The following DMRT1 variants were observed in gnomAD, a reference collection of about 807,000 sequenced individuals.
DMRT1 encodes doublesex and mab-3 related transcription factor 1, also known as doublesex- and mab-3-related transcription factor 1.
A neutral mutation model predicts 32.3 loss-of-function variants in DMRT1; 7 were observed. The observed-to-expected ratio is 0.22, with a 90% CI of 0.12 to 0.41. The LOEUF is 0.41. Among genes scored for constraint, DMRT1 ranks in the 10% least tolerant of loss-of-function variants. DMRT1 has a pLI of 1.00. For synonymous variants in DMRT1, 278 were observed against 206.1 expected, an observed-to-expected ratio of 1.35 and a Z score of -2.99; for missense variants, 625 against 500.5, an observed-to-expected ratio of 1.25 and a Z score of -2.37.
intron 2 of DMRT1, among the ~76,000 whole-genome samples, chr9:884,035 G>A (rs961278335): frequency 4.6e-5 from 7 of 152,110 alleles, no homozygotes; most frequent in Non-Finnish European, 8.8e-5. Context: ...TGAATCACAA[G>A]TAGTTTACTG....
At chr9:924,070 CTTTTTT>C (rs1554757297) in intron 4 of DMRT1, among the ~76,000 whole-genome samples, 7 of 87,022 alleles carry the variant, frequency 8.0e-5, no homozygotes, top group African/African-American at 1.1e-4. Flanking sequence ...TGATCAATCT[CTTTTTT>C]TTTTTTTTTT....
At chr9:866,713 G>A (rs946467626) in intron 2 of DMRT1, among the ~76,000 whole-genome samples, 3 of 152,208 alleles carry the variant, frequency 2.0e-5, no homozygotes, top group African/African-American at 7.2e-5. Flanking sequence ...CCTCTTTAGT[G>A]AGTTTGAGAT....
intron 2 of DMRT1, among the ~76,000 whole-genome samples, chr9:876,669 C>G (rs1224603426): frequency 6.6e-6 from 1 of 152,032 alleles, no homozygotes; most frequent in African/African-American, 2.4e-5. Flanking sequence ...GTAGCTGGGT[C>G]TATAGGCTCG....
Position 961,195 on chromosome 9 carries a change from T to C in DMRT1, c.968-6790T>C, listed in dbSNP as rs544775891. 4.6e-5 allele frequency among the ~76,000 whole-genome samples: 7 copies of C among 152,300 alleles called. 1 individual carries two copies. In the South Asian group the frequency reaches 1.5e-3, roughly 32 times the overall value. On this transcript the variant is annotated intron_variant, in intron 4 of 4. Transcript: ENST00000382276. Reference sequence around the variant, plus strand: ...TCTGACCCAGGGACAGTTTCTGGAATGCCTCGTTTTAATTCCCTTTAGTAA... The same window carrying C: ...TCTGACCCAGGGACAGTTTCTGGAACGCCTCGTTTTAATTCCCTTTAGTAA...
At chr9:858,641 A>C (rs1815506426) in intron 2 of DMRT1, among the ~76,000 whole-genome samples, 1 of 152,082 alleles carries the variant, frequency 6.6e-6, no homozygotes, top group African/African-American at 2.4e-5. Flanking sequence ...TGGGAGGCCG[A>C]GGCGGGCAGA....
intron 3 of DMRT1, among the ~76,000 whole-genome samples, chr9:909,109 C>T (rs991373057): frequency 5.9e-5 from 9 of 152,038 alleles, no homozygotes; most frequent in African/African-American, 1.7e-4. Context: ...CATAGCAGGA[C>T]CACCTAAGAG....
chr9:956,314 G>A (rs984159058), intron 4 of DMRT1, among the ~76,000 whole-genome samples: 5 of 152,212 alleles, frequency 3.3e-5, no homozygotes, highest in African/African-American at 1.2e-4. Context: ...CAGAATTTCA[G>A]TTTGGGAAGA....
rs1216806493 is a variant in DMRT1, at chr9:858,866, A to AT, written c.538+11723_538+11724insT. Among the ~76,000 whole-genome samples, 12 of 23,172 alleles carry AT rather than the reference A, an allele frequency of 5.2e-4. No individual in the cohort carries two copies. The East Asian group carries it at 6.4e-3, about 12-fold the overall frequency. 15.2% of individuals were successfully genotyped at this position (23,172 alleles called of 152,430 possible). On this transcript the variant is annotated intron_variant, in intron 2 of 4. Coordinates refer to ENST00000382276, the MANE Select transcript of DMRT1 (RefSeq NM_021951.3). ...TCCAGTCTGTCTCAAAAAAAAAAAA[A>AT]AAAAATATATATATATATATATATA...
chr9:895,484 T>G (rs1817319032), intron 3 of DMRT1, among the ~76,000 whole-genome samples: 2 of 152,208 alleles, frequency 1.3e-5, no homozygotes, highest in South Asian at 2.1e-4. Context: ...ACATATATAT[T>G]TGGGAGTTCA....
At chr9:894,217 G>T (rs775115264) in intron 3 of DMRT1, 22 bp downstream of exon 3, 1 of 1,611,930 alleles carries the variant, frequency 6.2e-7, no homozygotes, top group South Asian at 1.1e-5. Context: ...ATTACCCAGA[G>T]AGTGAACTGG....
intron 4 of DMRT1, among the ~76,000 whole-genome samples, chr9:940,468 A>G (rs1293660049): frequency 6.6e-6 from 1 of 151,724 alleles, no homozygotes; most frequent in African/African-American, 2.4e-5. Context: ...CATTCTTAAC[A>G]AATGAGCTAG....
rs1838789579 is a variant in DMRT1, at chr9:843,738, T to C, written c.354+1546T>C. Among the ~76,000 whole-genome samples, 3 of 152,242 alleles carry C rather than the reference T, an allele frequency of 2.0e-5. No homozygotes were observed. In the South Asian group the frequency reaches 6.2e-4, roughly 31 times the overall value. On this transcript the variant is annotated intron_variant, in intron 1 of 4. Coordinates refer to ENST00000382276, the MANE Select transcript of DMRT1 (RefSeq NM_021951.3). ...ATGTTTGCTAACGATGTGCTACTTT[T>C]GATTAGGAACGTGTAAATATCCTCC...
intron 2 of DMRT1, among the ~76,000 whole-genome samples, chr9:855,788 T>G (rs1313101338): frequency 1.3e-5 from 2 of 152,214 alleles, no homozygotes; most frequent in African/African-American, 4.8e-5. Context: ...TGGCTCATTT[T>G]AAATATTTTT....
chr9:923,816 T>C (rs1280589082), intron 4 of DMRT1, among the ~76,000 whole-genome samples: 3 of 152,258 alleles, frequency 2.0e-5, no homozygotes, highest in Non-Finnish European at 2.9e-5. Flanking sequence ...ATTTAGAAAA[T>C]GCTGAGTTTA....
At chr9:870,415 T>TAACAAC (rs1554747355) in intron 2 of DMRT1, among the ~76,000 whole-genome samples, 3 of 151,528 alleles carry the variant, frequency 2.0e-5, no homozygotes, top group Non-Finnish European at 4.4e-5. Context: ...ACAACAACAA[T>TAACAAC]AACAACAACA....
At chr9:922,441 G>A (rs1241404218) in intron 4 of DMRT1, among the ~76,000 whole-genome samples, 1 of 152,150 alleles carries the variant, frequency 6.6e-6, no homozygotes, top group African/African-American at 2.4e-5. Flanking sequence ...AGCTGGTGAT[G>A]AAGAGACAGA....
chr9:866,693 G>A (rs1272600233), intron 2 of DMRT1, among the ~76,000 whole-genome samples: 2 of 152,214 alleles, frequency 1.3e-5, no homozygotes, highest in East Asian at 1.9e-4. Flanking sequence ...TATGTACACG[G>A]TGCATAATTC....
chr9:927,010 A>G (rs1240162129), intron 4 of DMRT1, among the ~76,000 whole-genome samples: 1 of 152,212 alleles, frequency 6.6e-6, no homozygotes, highest in Non-Finnish European at 1.5e-5. Flanking sequence ...ATGTGACACT[A>G]GCCAGTTGGG....
At chr9:846,252 C>T (rs544152115) in intron 1 of DMRT1, among the ~76,000 whole-genome samples, 1 of 152,014 alleles carries the variant, frequency 6.6e-6, no homozygotes, top group Admixed American at 6.6e-5. Context: ...AGGCCGATCT[C>T]GAACTCCTGA....
Sources: gnomAD v4.1 joint callset for allele counts (sites outside exome capture counted in the v4.1 genomes callset) on GRCh38, gnomAD v4.1.1 for gene constraint, MANE v1.5 for transcripts, NCBI Gene and HGNC (gene_info 2026-07-23, HGNC 2026-07-21) for gene names.